ZNHIT1: variants seen among roughly 807,000 people sequenced by gnomAD.
ZNHIT1 encodes the protein zinc finger HIT-type containing 1, also known as zinc finger HIT domain-containing protein 1.
In ZNHIT1, 20 loss-of-function variants were observed where a neutral mutation model predicts 21.4. The ratio of observed to expected loss-of-function variants is 0.93; its 90% CI spans 0.66 to 1.36. ZNHIT1 has a LOEUF of 1.36. ZNHIT1 is among the 40% of genes most tolerant of loss of function. ZNHIT1 has a pLI of 0.00. For missense variants in ZNHIT1, 170 were observed against 213.5 expected, an observed-to-expected ratio of 0.80 and a Z score of 1.27; for synonymous variants, 79 against 84.0, an observed-to-expected ratio of 0.94 and a Z score of 0.32.
At position 101,218,169 on chromosome 7, in the gene ZNHIT1, G is replaced by C; in HGVS notation, c.-27G>C. 1.2e-6 allele frequency: 2 copies of C among 1,611,218 alleles called. No individual in the cohort carries two copies. Among genetic ancestry groups the C allele is most frequent in the Non-Finnish European group, 1.7e-6 (2 of 1,178,274 alleles). The stretch of plus-strand genomic sequence containing the variant: ...TTGGGGTTAGTACGCGTGCGCAGCA[G>C]TTTCTTCCGACAGTTGTGTTGTGCC... On this transcript the variant is annotated 5_prime_UTR_variant, in exon 1 of 5. Coordinates refer to ENST00000305105, the MANE Select transcript of ZNHIT1 (RefSeq NM_006349.3).
At position 101,218,341 on chromosome 7, in the gene ZNHIT1, A is replaced by G. The variant is rs1798319350; in HGVS notation, c.22+124A>G. ...TAGGCTGGAGTGCAGTGGCATAGTC[A>G]TAGCTCACTGCAGCCTCGATTTCCT... On this transcript the variant is annotated intron_variant, in intron 1 of 4. Coordinates refer to ENST00000305105, the MANE Select transcript of ZNHIT1 (RefSeq NM_006349.3). The G allele has an allele frequency of 2.8e-6, 3 of 1,056,072 alleles. No individual in the cohort carries two copies. In the East Asian group the frequency reaches 7.7e-5, roughly 27 times the overall value. The allele number at this position is 1,056,072 out of a possible 1,614,324, so 65.4% of individuals were successfully genotyped here.
chr7:101,221,087 G>A (rs1188590849), intron 1 of ZNHIT1: 1 of 152,162 alleles, frequency 6.6e-6, no homozygotes, highest in Non-Finnish European at 1.5e-5. Context: ...TAGGTTTCTG[G>A]TTTGGATGTC....
In ZNHIT1 at chr7:101,223,545, T is replaced by C. The variant is rs1264480014; in HGVS notation, c.262T>C (p.Leu88=). ...CTTCCGAAAAAACTTTCAGGCCCTG[T>C]TGGAGGAGCAGGTGAGAGGAGGGTC... ...LRFRKNFQAL[L]EEQNLSVAEG... is the part of the protein sequence containing the mutation. The change falls in exon 3 of 5, where the codon TTG becomes CTG. Residue 88 remains leucine, a synonymous_variant. Transcript: ENST00000305105. 6.2e-7 allele frequency: 1 copy of C among 1,614,096 alleles called. No homozygotes were observed. The highest frequency in any genetic ancestry group is 1.7e-5 in the Admixed American group (1 of 60,010).
At chr7:101,222,301 G>C (rs971137950) in intron 1 of ZNHIT1, 7 of 371,058 alleles carry the variant, frequency 1.9e-5, no homozygotes, top group Admixed American at 1.3e-4. Context: ...GCCCCAGGGC[G>C]CTGTGACCTC....
At chr7:101,218,470 T>C in intron 1 of ZNHIT1, 1 of 513,684 alleles carries the variant, frequency 1.9e-6, no homozygotes, top group East Asian at 3.2e-5. Flanking sequence ...TGACGGGCTC[T>C]CGCTATGTTG....
intron 1 of ZNHIT1, chr7:101,222,393 G>A (rs1798383109): frequency 1.9e-6 from 1 of 534,618 alleles, no homozygotes. Flanking sequence ...AAACAGGCAG[G>A]AGAAACTGAA....
At chr7:101,220,427 A>T (rs1056170635) in intron 1 of ZNHIT1, 4 of 152,146 alleles carry the variant, frequency 2.6e-5, no homozygotes, top group Non-Finnish European at 5.9e-5. Flanking sequence ...TGGCAAGGTC[A>T]TGCTTTTTGA....
chr7:101,223,843 G>C lies in ZNHIT1; in HGVS notation c.443+1G>C. On this transcript the variant is annotated splice_donor_variant, in intron 4 of 4. Coordinates refer to ENST00000305105, the MANE Select transcript of ZNHIT1 (RefSeq NM_006349.3). LOFTEE classifies it high-confidence loss of function. ...GTCTGGGGACCCACCAGGAGACCAG[G>C]TGAGCATGAGACCTGCTGTCCACTC... 1 of 1,614,102 alleles carries C rather than the reference G, an allele frequency of 6.2e-7. No homozygotes were observed. The highest frequency in any genetic ancestry group is 8.5e-7 in the Non-Finnish European group (1 of 1,180,004).
At chr7:101,219,301 G>A (rs1562898034) in intron 1 of ZNHIT1, 1 of 152,276 alleles carries the variant, frequency 6.6e-6, no homozygotes, top group African/African-American at 2.4e-5. Context: ...TGAGATGGGT[G>A]TCTCACTATG....
chr7:101,223,693 C>A lies in ZNHIT1; in HGVS notation c.294C>A (p.Gly98=), dbSNP rs770908309. ...LEEQNLSVAE[G]PNYLTACAGP... ...TGCAGAACTTGAGTGTGGCCGAGGGCCCTAACTACCTGACGGCCTGTGCGG... is the reference window on the plus strand; with the variant it reads ...TGCAGAACTTGAGTGTGGCCGAGGGACCTAACTACCTGACGGCCTGTGCGG... Residue 98 remains glycine (G), a synonymous_variant, in exon 4 of 5, where the codon GGC becomes GGA. Transcript: ENST00000305105. The A allele has an allele frequency of 5.0e-6, 8 of 1,610,642 alleles. No homozygotes were observed. Among genetic ancestry groups the A allele is most frequent in the Non-Finnish European group, 5.9e-6 (7 of 1,178,242 alleles).
At chr7:101,222,916 C>G in intron 2 of ZNHIT1, 142 bp downstream of exon 2, 2 of 1,019,140 alleles carry the variant, frequency 2.0e-6, no homozygotes, top group Non-Finnish European at 2.8e-6. Flanking sequence ...AACCACACCC[C>G]CTTTCTGTGC....
At chr7:101,220,783 T>C (rs1356158574) in intron 1 of ZNHIT1, 1 of 151,786 alleles carries the variant, frequency 6.6e-6, no homozygotes, top group Non-Finnish European at 1.5e-5. Context: ...ACAGGGTCTC[T>C]CTCTGTTGCC....
In ZNHIT1 at chr7:101,223,995, C is replaced by T; in HGVS notation, c.*37C>T. On this transcript the variant is annotated 3_prime_UTR_variant, in exon 5 of 5. Coordinates refer to ENST00000305105, the MANE Select transcript of ZNHIT1 (RefSeq NM_006349.3). ...CCCAGAGAGGAAGGGCCGCTGTGCACTGCCCGGCCTTCAGAAAGACAGAAT... is the reference window on the plus strand; with the variant it reads ...CCCAGAGAGGAAGGGCCGCTGTGCATTGCCCGGCCTTCAGAAAGACAGAAT... 6.2e-7 allele frequency: 1 copy of T among 1,614,102 alleles called. No homozygotes were observed. The highest frequency in any genetic ancestry group is 1.1e-5 in the South Asian group (1 of 91,086).
rs1347884979 is a variant in ZNHIT1, at chr7:101,222,623, G to T, written c.42G>T (p.Gly14=). The T allele has an allele frequency of 2.5e-6, 4 of 1,610,224 alleles. No individual in the cohort carries two copies. The highest frequency in any genetic ancestry group is 3.4e-6 in the Non-Finnish European group (4 of 1,177,370). Reference sequence around the variant, plus strand: ...ATCCAGTTCGCTCCCAGGACCCCGGGCAGCGGCGGGTGCTGGACCGGGCTG... The same window carrying T: ...ATCCAGTTCGCTCCCAGGACCCCGGTCAGCGGCGGGTGCTGGACCGGGCTG... ...KKTSVRSQDP[G]QRRVLDRAAR... The change falls in exon 2 of 5, where the codon GGG becomes GGT. Residue 14 remains glycine, a synonymous_variant. Transcript: ENST00000305105.
At chr7:101,220,420 CA>C (rs1041595761) in intron 1 of ZNHIT1, 23 of 152,146 alleles carry the variant, frequency 1.5e-4, no homozygotes, top group African/African-American at 5.6e-4. Context: ...CTGCGCCTGG[CA>C]AGGTCATGCT....
At chr7:101,219,252 T>C (rs1042597120) in intron 1 of ZNHIT1, 1 of 151,890 alleles carries the variant, frequency 6.6e-6, no homozygotes, top group Non-Finnish European at 1.5e-5. Context: ...TACAGGTGGG[T>C]GCAGGCCACC....
rs1038413247 is a variant in ZNHIT1, at chr7:101,224,097, A to G, written c.*139A>G. The G allele has an allele frequency of 2.2e-6, 3 of 1,341,230 alleles. No homozygotes were observed. The highest frequency in any genetic ancestry group is 3.1e-6 in the Non-Finnish European group (3 of 961,538). 83.1% of individuals were successfully genotyped at this position (1,341,230 alleles called of 1,614,324 possible). A position where few individuals can be genotyped will look rare whatever the true frequency, so the allele number is the denominator to read the frequency against. ...CATTCACCCAACAAAACTGTGTCTT[A>G]TCTGCCAGGAAAGACCAGCCTCACT... is the stretch of plus-strand genomic sequence containing the variant. On this transcript the variant is annotated 3_prime_UTR_variant, in exon 5 of 5. Transcript: ENST00000305105.
rs775180121 is a variant in ZNHIT1, at chr7:101,222,643, G to C, written c.62G>C (p.Arg21Pro). ...QDPGQRRVLD[R>P]AARQRRINRQ... ...CCCGGGCAGCGGCGGGTGCTGGACC[G>C]GGCTGCCCGGCAGCGTCGCATCAAC... The change falls in exon 2 of 5, where the codon CGG becomes CCG. Residue 21 changes from arginine (R) to proline (P), a missense_variant. Physicochemically the swap from Arg to Pro is moderately radical, Grantham distance 103 (BLOSUM62 -2). Transcript: ENST00000305105. 3 of 1,613,410 alleles carry C rather than the reference G, an allele frequency of 1.9e-6. No homozygotes were observed. The South Asian group carries it at 3.3e-5, about 18-fold the overall frequency.
intron 2 of ZNHIT1, among the ~76,000 whole-genome samples, chr7:101,222,984 G>A (rs904668804): frequency 6.6e-6 from 1 of 152,194 alleles, no homozygotes; most frequent in African/African-American, 2.4e-5. Context: ...GCTCTGACAC[G>A]AAGCCTTAGG....
Sources: allele counts gnomAD v4.1 joint callset (sites outside exome capture counted in the v4.1 genomes callset), GRCh38; gene constraint gnomAD v4.1.1; transcripts MANE v1.5; gene names NCBI Gene and HGNC (gene_info 2026-07-23, HGNC 2026-07-21).